The following B4GALT1 variants were observed in gnomAD, a reference collection of about 807,000 sequenced individuals.
B4GALT1 encodes N-acetyllactosamine synthase.
In B4GALT1, 16 loss-of-function variants were observed where a neutral mutation model predicts 34.9. The observed-to-expected ratio is 0.46, with a 90% confidence interval of 0.31 to 0.70. The LOEUF is 0.70. B4GALT1 is among the 30% of genes least tolerant of loss of function. B4GALT1 has a pLI of 0.05. For missense variants in B4GALT1, 445 were observed against 530.5 expected (o/e 0.84, Z 1.58); for synonymous variants, 221 against 218.1 (o/e 1.01, Z -0.12).
chr9:33,112,194 C>A lies in B4GALT1; in HGVS notation c.*1260G>T, dbSNP rs917038137. 6.6e-6 allele frequency: 1 copy of A among 152,304 alleles called. No homozygotes were observed. The highest frequency in any genetic ancestry group is 1.5e-5 in the Non-Finnish European group (1 of 68,040). The allele number at this position is 152,304 out of a possible 1,614,324, so 9.4% of individuals were successfully genotyped here. ...AGCCTCTGAGGGAGGTGGCCCCCACCAGAACAGAGGCTCCCTCTGCCTGGG... is the reference window on the plus strand; with the variant it reads ...AGCCTCTGAGGGAGGTGGCCCCCACAAGAACAGAGGCTCCCTCTGCCTGGG... On this transcript the variant is annotated 3_prime_UTR_variant, in exon 6 of 6. Coordinates refer to ENST00000379731, the MANE Select transcript of B4GALT1 (RefSeq NM_001497.4).
chr9:33,172,938 T>A, the B4GALT1 span, among the ~76,000 whole-genome samples: 1 of 56,654 alleles, frequency 1.8e-5, no homozygotes, highest in Non-Finnish European at 3.6e-5. Context: ...GGGGTAAGGG[T>A]GGGGGTGGGG....
chr9:33,135,473 C>T (rs772224481), intron 1 of B4GALT1, 49 bp from the exon 2 acceptor site: 1 of 1,552,088 alleles, frequency 6.4e-7, no homozygotes, highest in South Asian at 1.1e-5. Flanking sequence ...GGACTCGCCA[C>T]CGCTCCACAG....
chr9:33,168,986 C>T (rs573680090), upstream of B4GALT1, among the ~76,000 whole-genome samples: 2 of 152,294 alleles, frequency 1.3e-5, no homozygotes, highest in East Asian at 3.9e-4. Flanking sequence ...CTCTCAATGC[C>T]ATTTGCAAGC....
chr9:33,135,168 T>C (rs1840248213), intron 2 of B4GALT1, 21 bp downstream of exon 2: 1 of 1,603,940 alleles, frequency 6.2e-7, no homozygotes, highest in South Asian at 1.1e-5. Flanking sequence ...CCCTCTCTCA[T>C]TCCACCTTCC....
At chr9:33,125,133 G>T (rs1002357585) in intron 2 of B4GALT1, among the ~76,000 whole-genome samples, 1 of 152,208 alleles carries the variant, frequency 6.6e-6, no homozygotes, top group African/African-American at 2.4e-5. Flanking sequence ...CCAAATGATT[G>T]AGCAGAGACT....
At chr9:33,161,021 T>TTCTCTCTC (rs35401344) in intron 1 of B4GALT1, among the ~76,000 whole-genome samples, 122 of 149,242 alleles carry the variant, frequency 8.2e-4, no homozygotes, top group African/African-American at 2.4e-3. Context: ...AGGCAAGTCA[T>TTCTCTCTC]TCTCTCTCTC....
rs144594318 is a variant in B4GALT1 at position 33,145,532 on chromosome 9, G to A, written c.413-10108C>T. Among the ~76,000 whole-genome samples the A allele has an allele frequency of 1.6e-4, 24 of 152,270 alleles. No homozygotes were observed. The East Asian group carries it at 4.6e-3, about 29-fold the overall frequency. ...AGATTCTGCCACCTCAAAGGGCCAG[G>A]ATCCACCTCGAATCAGACCCTAGAG... On this transcript the variant is annotated intron_variant, in intron 1 of 5. Transcript: ENST00000379731.
At chr9:33,163,645 A>G (rs2118324349) in intron 1 of B4GALT1, among the ~76,000 whole-genome samples, 1 of 152,272 alleles carries the variant, frequency 6.6e-6, no homozygotes, top group South Asian at 2.1e-4. Context: ...CTGCTGCCCA[A>G]TCTGAGCAGA....
At chr9:33,171,276 G>C (rs1295314933), upstream of B4GALT1, among the ~76,000 whole-genome samples, 1 of 152,230 alleles carries the variant, frequency 6.6e-6, no homozygotes, top group African/African-American at 2.4e-5. Flanking sequence ...TCACTCATGT[G>C]AATGGCAGTT....
intron 3 of B4GALT1, 148 bp downstream of exon 3, chr9:33,120,271 A>C (rs1323118609): frequency 1.4e-5 from 12 of 853,776 alleles, no homozygotes; most frequent in Non-Finnish European, 1.9e-5. Flanking sequence ...TCTTCTTTCC[A>C]TCTCAACTAA....
At chr9:33,147,535 C>T (rs1316354265) in intron 1 of B4GALT1, among the ~76,000 whole-genome samples, 1 of 147,772 alleles carries the variant, frequency 6.8e-6, no homozygotes, top group Non-Finnish European at 1.5e-5. Context: ...GCATGAGCCC[C>T]CATGCCCGGC....
chr9:33,152,289 G>C (rs375807292), intron 1 of B4GALT1, among the ~76,000 whole-genome samples: 18 of 151,396 alleles, frequency 1.2e-4, no homozygotes, highest in African/African-American at 4.4e-4. Flanking sequence ...GGGCGACAGA[G>C]CAAGACTCCC....
chr9:33,139,239 T>C (rs3780487), intron 1 of B4GALT1, among the ~76,000 whole-genome samples: 56,412 of 151,812 alleles, frequency 0.37, 11,189 homozygotes, highest in East Asian at 0.59. Flanking sequence ...CTTCCAGGAG[T>C]TCCCTGCTGA....
upstream of B4GALT1, among the ~76,000 whole-genome samples, chr9:33,171,697 G>A (rs554195441): frequency 1.3e-5 from 2 of 152,070 alleles, no homozygotes; most frequent in African/African-American, 4.8e-5. Flanking sequence ...TGGGACTACC[G>A]GGATGCGCCT....
chr9:33,130,862 G>T (rs1250335526), intron 2 of B4GALT1, among the ~76,000 whole-genome samples: 1 of 151,886 alleles, frequency 6.6e-6, no homozygotes, highest in Non-Finnish European at 1.5e-5. Flanking sequence ...TGGGAGCCAT[G>T]AAGAATTCAC....
chr9:33,158,927 TG>T (rs886625800), intron 1 of B4GALT1, among the ~76,000 whole-genome samples: 35 of 152,174 alleles, frequency 2.3e-4, no homozygotes, highest in Non-Finnish European at 4.6e-4. Flanking sequence ...ATTCTCTTCC[TG>T]GGGGGAGGGG....
At chr9:33,181,460 A>ACACACACACACACACACAC in the B4GALT1 span, among the ~76,000 whole-genome samples, 8 of 151,740 alleles carry the variant, frequency 5.3e-5, no homozygotes, top group Non-Finnish European at 7.4e-5. Context: ...ACACACACAC[A>ACACACACACACACACACAC]AACTATTCTT....
chr9:33,145,142 G>A (rs1046368886), intron 1 of B4GALT1, among the ~76,000 whole-genome samples: 4 of 152,146 alleles, frequency 2.6e-5, no homozygotes, highest in African/African-American at 4.8e-5. Flanking sequence ...TCTGCCACAT[G>A]AGGCCTTTTG....
At chr9:33,130,170 C>CA (rs1175801874) in intron 2 of B4GALT1, among the ~76,000 whole-genome samples, 2 of 152,172 alleles carry the variant, frequency 1.3e-5, no homozygotes, top group Non-Finnish European at 2.9e-5. Flanking sequence ...GCTGTGCCTG[C>CA]ATTCCTTACT....
Sources: gnomAD v4.1 joint callset for allele counts (sites outside exome capture counted in the v4.1 genomes callset) on GRCh38, gnomAD v4.1.1 for gene constraint, MANE v1.5 for transcripts, NCBI Gene and HGNC (gene_info 2026-07-23, HGNC 2026-07-21) for gene names.